ITGAD: variants seen among roughly 807,000 people sequenced by gnomAD.
ITGAD encodes integrin alpha-D.
A neutral mutation model predicts 139.0 loss-of-function variants in ITGAD; 105 were observed. That is an observed-to-expected ratio of 0.76 (90% CI 0.65 to 0.89). The LOEUF is 0.89. ITGAD is among the 40% of genes least tolerant of loss of function. The pLI is 0.00. For synonymous variants in ITGAD, 569 were observed against 598.3 expected (o/e 0.95, Z 0.71); for missense variants, 1,384 against 1,487.3 (o/e 0.93, Z 1.14).
At chr16:31,410,226 C>T (rs935939130) in intron 10 of ITGAD, among the ~76,000 whole-genome samples, 169 bp from the exon 11 acceptor site, 3 of 151,956 alleles carry the variant, frequency 2.0e-5, no homozygotes, top group African/African-American at 7.2e-5. Flanking sequence ...AGGGGGCTGG[C>T]GGAGCAGTGG....
At position 31,424,171 on chromosome 16, in the gene ITGAD, C is replaced by A; in HGVS notation, c.3229C>A (p.Leu1077Ile). Reference protein sequence around the residue: ...ITFDTSVYSQLPGQEAFMRAQ... With the variant: ...ITFDTSVYSQIPGQEAFMRAQ... ...GTTCGACACATCCGTGTACTCCCAG[C>A]TTCCAGGACAGGAGGCATTTATGAG... The change falls in exon 28 of 30, where the codon CTT becomes ATT. Residue 1077 changes from leucine to isoleucine, a missense_variant. Coordinates refer to ENST00000389202, the MANE Select transcript of ITGAD (RefSeq NM_005353.3). 1.2e-6 allele frequency: 2 copies of A among 1,614,252 alleles called. No homozygotes were observed. The highest frequency in any genetic ancestry group is 2.2e-5 in the East Asian group (1 of 44,888).
rs528245961 is a variant in ITGAD at position 31,402,339 on chromosome 16, C to A, written c.558+94C>A. ...GAGGGGTGGGGGCAGGCCAGTGAGCCGTGTGTGATGGGGCTGGGGTGGAGA... is the reference window on the plus strand; with the variant it reads ...GAGGGGTGGGGGCAGGCCAGTGAGCAGTGTGTGATGGGGCTGGGGTGGAGA... On this transcript the variant is annotated intron_variant, in intron 6 of 29. Coordinates refer to ENST00000389202, the MANE Select transcript of ITGAD (RefSeq NM_005353.3). The A allele has an allele frequency of 3.3e-5, 36 of 1,081,100 alleles. No individual in the cohort carries two copies. In the South Asian group the frequency reaches 3.9e-4, roughly 12 times the overall value. The allele number at this position is 1,081,100 out of a possible 1,614,324, so 67.0% of individuals were successfully genotyped here.
intron 7 of ITGAD, among the ~76,000 whole-genome samples, chr16:31,407,249 G>T (rs1267792855): frequency 1.3e-5 from 2 of 152,206 alleles, no homozygotes; most frequent in Non-Finnish European, 2.9e-5. Flanking sequence ...AACTACTCAG[G>T]AGGCTGAGGC....
intron 23 of ITGAD, among the ~76,000 whole-genome samples, chr16:31,422,624 G>A (rs1447050408): frequency 1.3e-5 from 2 of 152,034 alleles, no homozygotes; most frequent in African/African-American, 4.8e-5. Flanking sequence ...CAATGCAAAC[G>A]CCTTTGCCCC....
Position 31,403,591 on chromosome 16 carries a change from C to T in ITGAD, c.650C>T (p.Pro217Leu), listed in dbSNP as rs762618637. The change falls in exon 7 of 30, where the codon CCC (proline) becomes CTC (leucine). Residue 217 changes from proline to leucine, a missense_variant. By Grantham distance (98) the Pro-to-Leu change is moderately conservative. Transcript: ENST00000389202. The surrounding 1 kb of genome is among the most constrained non-coding windows in gnomAD (Gnocchi z 4.4). ...TSPSQQSLVDPIVQLKGLTFT... is the reference protein window; with the variant it reads ...TSPSQQSLVDLIVQLKGLTFT... ...CCGAGCCAGCAGAGCCTGGTGGATC[C>T]CATCGTCCAACTGAAAGGCCTGACG... 2 of 1,614,168 alleles carry T rather than the reference C, an allele frequency of 1.2e-6. No homozygotes were observed. Among genetic ancestry groups the T allele is most frequent in the South Asian group, 1.1e-5 (1 of 91,080 alleles).
At chr16:31,422,215 C>T (rs566026498) in intron 23 of ITGAD, among the ~76,000 whole-genome samples, 2 of 152,024 alleles carry the variant, frequency 1.3e-5, no homozygotes, top group South Asian at 2.1e-4. Context: ...GTTGGGATTA[C>T]AGGCGTGAGC....
rs1255718301 is a variant in ITGAD at position 31,408,990 on chromosome 16, T to C, written c.1083+492T>C. Among the ~76,000 whole-genome samples, 3 of 152,196 alleles carry C rather than the reference T, an allele frequency of 2.0e-5. No individual in the cohort carries two copies. The South Asian group carries it at 6.2e-4, about 32-fold the overall frequency. ...CAAAGATGTGGTTTGGAAGTGCGTGTGTGTTCAAAGGATCCAGATGGGGCC... is the reference window on the plus strand; with the variant it reads ...CAAAGATGTGGTTTGGAAGTGCGTGCGTGTTCAAAGGATCCAGATGGGGCC... On this transcript the variant is annotated intron_variant, in intron 10 of 29. Coordinates refer to ENST00000389202, the MANE Select transcript of ITGAD (RefSeq NM_005353.3).
intron 7 of ITGAD, among the ~76,000 whole-genome samples, chr16:31,405,427 C>G (rs770227023): frequency 1.3e-4 from 20 of 152,018 alleles, no homozygotes; most frequent in Non-Finnish European, 2.5e-4. Flanking sequence ...ATTATATTAC[C>G]CACAGTCCCT....
rs561770435 is a variant in ITGAD at position 31,397,520 on chromosome 16, G to C, written c.241+58G>C. ...CCCTCCTGGACCCAACTGTGCCCCC[G>C]CTTAGCTTCCAGTCCAGACCTTCCC... On this transcript the variant is annotated intron_variant, in intron 3 of 29. Coordinates refer to ENST00000389202, the MANE Select transcript of ITGAD (RefSeq NM_005353.3). The C allele has an allele frequency of 2.5e-5, 40 of 1,584,832 alleles. No individual in the cohort carries two copies. In the African/African-American group the frequency reaches 4.0e-4, roughly 16 times the overall value.
chr16:31,420,632 T>C (rs1358558077), intron 23 of ITGAD, among the ~76,000 whole-genome samples: 2 of 152,110 alleles, frequency 1.3e-5, no homozygotes, highest in South Asian at 2.1e-4. Flanking sequence ...TGGAGTGCAA[T>C]GTTGCGATCT....
chr16:31,414,488 G>A lies in ITGAD; in HGVS notation c.2034G>A (p.Leu678=). The change falls in exon 17 of 30, where the codon CTG becomes CTA. Residue 678 remains leucine (L), a synonymous_variant. Coordinates refer to ENST00000389202, the MANE Select transcript of ITGAD (RefSeq NM_005353.3). ...IQSSVRFDLA[L]DPGRLTSRAI... is the part of the protein sequence containing the mutation. ...GCTCTGTCAGGTTTGATCTGGCACT[G>A]GACCCAGGTCGTCTGACTTCTCGTG... is the stretch of plus-strand genomic sequence containing the variant. The A allele has an allele frequency of 2.5e-6, 4 of 1,614,206 alleles. No homozygotes were observed. The highest frequency in any genetic ancestry group is 3.4e-6 in the Non-Finnish European group (4 of 1,180,032).
intron 25 of ITGAD, 35 bp from the exon 26 acceptor site, chr16:31,423,536 T>C (rs775476443): frequency 1.2e-6 from 2 of 1,607,548 alleles, no homozygotes. Context: ...GACATGTTGC[T>C]CATTCTGTGG....
chr16:31,396,245 G>A (rs1187168502), intron 2 of ITGAD, among the ~76,000 whole-genome samples: 3 of 152,214 alleles, frequency 2.0e-5, no homozygotes, highest in Non-Finnish European at 2.9e-5. Flanking sequence ...GCTGAGGCGG[G>A]TGGATCACCT....
intron 18 of ITGAD, 91 bp from the exon 19 acceptor site, chr16:31,416,122 G>C: frequency 1.9e-6 from 2 of 1,077,424 alleles, no homozygotes; most frequent in South Asian, 1.4e-5. Flanking sequence ...CAGTGGCTTA[G>C]TAATGCTCAA....
chr16:31,407,951 G>C (rs2081582508), intron 9 of ITGAD, 35 bp downstream of exon 9: 2 of 1,542,196 alleles, frequency 1.3e-6, no homozygotes, highest in African/African-American at 1.4e-5. Context: ...GGGAGCCAAG[G>C]GGTCCCCACC....
At chr16:31,420,474 T>C (rs570775440) in intron 23 of ITGAD, among the ~76,000 whole-genome samples, 1 of 152,210 alleles carries the variant, frequency 6.6e-6, no homozygotes, top group Admixed American at 6.5e-5. Flanking sequence ...CTGGGCTCAC[T>C]GCAACCTCCA....
intron 20 of ITGAD, 39 bp from the exon 21 acceptor site, chr16:31,418,036 C>T: frequency 6.6e-7 from 1 of 1,504,646 alleles, no homozygotes; most frequent in Non-Finnish European, 9.3e-7. Context: ...CCCACACATG[C>T]ATGCGGGTAA....
At chr16:31,394,079 T>C (rs918905080) in intron 1 of ITGAD, among the ~76,000 whole-genome samples, 157 bp from the exon 2 acceptor site, 1 of 141,370 alleles carries the variant, frequency 7.1e-6, no homozygotes, top group African/African-American at 2.7e-5. Flanking sequence ...TGCAGTGAGC[T>C]GAGATCGTGC....
chr16:31,402,073 G>A (rs763914123), intron 5 of ITGAD, 42 bp from the exon 6 acceptor site: 1 of 1,597,946 alleles, frequency 6.3e-7, no homozygotes, highest in African/African-American at 1.3e-5. Flanking sequence ...AGGGGGTTGG[G>A]CCCCCGCAGT....
Sources: gnomAD v4.1 joint callset for allele counts (sites outside exome capture counted in the v4.1 genomes callset) on GRCh38, gnomAD v4.1.1 for gene constraint, Gnocchi (gnomAD v3.1) non-coding constraint, MANE v1.5 for transcripts, NCBI Gene and HGNC (gene_info 2026-07-23, HGNC 2026-07-21) for gene names.